The following OTOGL variants were observed in gnomAD, a reference collection of about 807,000 sequenced individuals.
OTOGL encodes otogelin like, also known as otogelin-like protein.
In OTOGL, 285 loss-of-function variants were observed where a neutral mutation model predicts 318.5. The ratio of observed to expected loss-of-function variants is 0.89; its 90% CI spans 0.81 to 0.99. OTOGL has a LOEUF of 0.99. Among genes scored for constraint, OTOGL ranks in the 50% least tolerant of loss-of-function variants. OTOGL has a pLI of 0.00. For synonymous variants in OTOGL, 987 were observed against 936.5 expected (o/e 1.05, Z -0.99); for missense variants, 2,899 against 2,845.6 (o/e 1.02, Z -0.43).
At chr12:80,153,594 T>C (rs1053378938) in intron 1 of OTOGL, among the ~76,000 whole-genome samples, 9 of 152,240 alleles carry the variant, frequency 5.9e-5, no homozygotes, top group Admixed American at 2.6e-4. Flanking sequence ...AGTTCATTCT[T>C]GGTGTTATAC....
intron 1 of OTOGL, among the ~76,000 whole-genome samples, chr12:80,150,468 T>C (rs1017427487): frequency 6.6e-6 from 1 of 152,220 alleles, no homozygotes. Flanking sequence ...TGTTAAGGAC[T>C]CATCCATCGC....
chr12:80,265,963 A>C (rs190055820), intron 20 of OTOGL: 1 of 152,722 alleles, frequency 6.5e-6, no homozygotes, highest in African/African-American at 2.4e-5. Context: ...TAACTTTTTA[A>C]TCACAGACCC....
chr12:80,339,762 A>G (rs1251539472), intron 43 of OTOGL, among the ~76,000 whole-genome samples: 3 of 152,204 alleles, frequency 2.0e-5, no homozygotes, highest in Middle Eastern at 3.4e-3. Context: ...ACCATTCAGG[A>G]TATTTGTCCT....
At chr12:80,193,067 A>G (rs949549545) in intron 1 of OTOGL, among the ~76,000 whole-genome samples, 3 of 152,164 alleles carry the variant, frequency 2.0e-5, no homozygotes, top group African/African-American at 7.2e-5. Context: ...GAACATCTAG[A>G]TTAGGCTCCC....
chr12:80,313,728 T>A (rs1886800539), intron 31 of OTOGL, 96 bp downstream of exon 31: 2 of 1,084,872 alleles, frequency 1.8e-6, no homozygotes, highest in Non-Finnish European at 2.6e-6. Flanking sequence ...AGGAGACTCA[T>A]GGGAATAGAA....
chr12:80,278,393 A>G, intron 25 of OTOGL, 118 bp downstream of exon 25: 2 of 783,318 alleles, frequency 2.6e-6, no homozygotes, highest in East Asian at 5.4e-5. Context: ...CTCAGCAAAT[A>G]ATTTAAAGGC....
chr12:80,170,781 ACT>A (rs1165070622), intron 1 of OTOGL, among the ~76,000 whole-genome samples: 12 of 151,532 alleles, frequency 7.9e-5, no homozygotes, highest in African/African-American at 2.9e-4. Context: ...TATTTTGTAT[ACT>A]CTGTCAGTTA....
intron 1 of OTOGL, among the ~76,000 whole-genome samples, chr12:80,156,455 C>A (rs190309377): frequency 1.3e-4 from 20 of 152,276 alleles, no homozygotes; most frequent in African/African-American, 4.6e-4. Context: ...CTAGAGAACC[C>A]TGACTAATAC....
chr12:80,287,545 C>T (rs536399179), intron 26 of OTOGL, among the ~76,000 whole-genome samples: 4 of 147,994 alleles, frequency 2.7e-5, no homozygotes, highest in African/African-American at 1.1e-4. Context: ...TCTCTTTGTT[C>T]GTCTCTAAGA....
At chr12:80,213,596 AT>A (rs1457595609) in intron 4 of OTOGL, among the ~76,000 whole-genome samples, 5 of 152,050 alleles carry the variant, frequency 3.3e-5, no homozygotes, top group Non-Finnish European at 7.4e-5. Context: ...AATACATTTT[AT>A]TTTTCTTAAA....
chr12:80,287,276 T>G (rs1281306460), intron 26 of OTOGL, among the ~76,000 whole-genome samples: 1 of 151,788 alleles, frequency 6.6e-6, no homozygotes, highest in African/African-American at 2.4e-5. Context: ...TTGTTATGAA[T>G]TCCATTCTTT....
chr12:80,106,174 C>T (rs753625787), intron 1 of OTOGL, among the ~76,000 whole-genome samples: 3 of 152,162 alleles, frequency 2.0e-5, no homozygotes, highest in Non-Finnish European at 4.4e-5. Context: ...GGTATTTGTG[C>T]GTGGACACAT....
intron 44 of OTOGL, among the ~76,000 whole-genome samples, chr12:80,349,020 A>G (rs1254025279): frequency 7.9e-5 from 12 of 152,214 alleles, no homozygotes. Context: ...AATAAATGAT[A>G]AAAGTGTTCA....
At chr12:80,285,144 C>T (rs969015287) in intron 26 of OTOGL, among the ~76,000 whole-genome samples, 3 of 151,974 alleles carry the variant, frequency 2.0e-5, no homozygotes, top group Admixed American at 1.3e-4. Flanking sequence ...AATCCTTTCC[C>T]TATTGCTTGT....
intron 29 of OTOGL, among the ~76,000 whole-genome samples, chr12:80,308,221 C>T (rs1206890667): frequency 6.6e-6 from 1 of 150,522 alleles, no homozygotes; most frequent in Non-Finnish European, 1.5e-5. Context: ...GGGGTGGCTG[C>T]TGGGTGGAGG....
intron 1 of OTOGL, among the ~76,000 whole-genome samples, chr12:80,193,894 C>A (rs1333101986): frequency 6.6e-6 from 1 of 152,174 alleles, no homozygotes; most frequent in Non-Finnish European, 1.5e-5. Context: ...AGTCATCTGA[C>A]ACATCCGCCT....
chr12:80,250,153 CCGG>C (rs1881402407), intron 11 of OTOGL, among the ~76,000 whole-genome samples: 10 of 152,162 alleles, frequency 6.6e-5, no homozygotes, highest in South Asian at 4.1e-4. Context: ...GAGCTGTAGA[CCGG>C]AGCTGTTCCT....
At chr12:80,251,933 A>G in intron 12 of OTOGL, 134 bp downstream of exon 12, 2 of 1,189,466 alleles carry the variant, frequency 1.7e-6, no homozygotes, top group South Asian at 4.1e-5. Context: ...GAACTTGCAT[A>G]CTTTTTGAAA....
At chr12:80,349,286 A>AT (rs1008772263) in intron 44 of OTOGL, among the ~76,000 whole-genome samples, 22 of 152,256 alleles carry the variant, frequency 1.4e-4, no homozygotes, top group Non-Finnish European at 2.6e-4. Context: ...TTTTCTGTAC[A>AT]TTTTCCATAT....
Sources: allele counts gnomAD v4.1 joint callset (sites outside exome capture counted in the v4.1 genomes callset), GRCh38; gene constraint gnomAD v4.1.1; transcripts MANE v1.5; gene names NCBI Gene and HGNC (gene_info 2026-07-23, HGNC 2026-07-21).